Variants in CEP78 observed in about 807,000 individuals in gnomAD.
CEP78 encodes centrosomal protein of 78 kDa.
A neutral mutation model predicts 81.2 loss-of-function variants in CEP78; 76 were observed. That is an observed-to-expected ratio of 0.94 (90% CI 0.78 to 1.13). The LOEUF is 1.13. Among genes scored for constraint, CEP78 ranks in the 50% most tolerant of loss-of-function variants. The pLI is 0.00. For missense variants in CEP78, 918 were observed against 846.8 expected, an observed-to-expected ratio of 1.08 and a Z score of -1.04; for synonymous variants, 293 against 301.4, an observed-to-expected ratio of 0.97 and a Z score of 0.29.
At position 78,271,554 on chromosome 9, in the gene CEP78, T is replaced by G. The variant is rs1378542126; in HGVS notation, c.*703T>G. The G allele has an allele frequency of 3.3e-5, 5 of 152,200 alleles. No individual in the cohort carries two copies. The highest frequency in any genetic ancestry group is 1.2e-4 in the African/African-American group (5 of 41,454). The allele number at this position is 152,200 out of a possible 1,614,324, so 9.4% of individuals were successfully genotyped here. A position where few individuals can be genotyped will look rare whatever the true frequency, so the allele number is the denominator to read the frequency against. ...TCAGAAGATGGACTACACAGCAGAA[T>G]GGATTCATTTGAAGCTTAAATTCAT... is the stretch of plus-strand genomic sequence containing the variant. On this transcript the variant is annotated 3_prime_UTR_variant, in exon 17 of 17. Transcript: ENST00000643273.
chr9:78,268,873 A>G (rs184029022), intron 16 of CEP78, among the ~76,000 whole-genome samples: 169 of 151,818 alleles, frequency 1.1e-3, no homozygotes, highest in African/African-American at 3.6e-3. Flanking sequence ...AGCCAGGATG[A>G]TCTTGATCTC....
At chr9:78,252,182 C>T in intron 9 of CEP78, 139 bp downstream of exon 9, 2 of 696,456 alleles carry the variant, frequency 2.9e-6, no homozygotes, top group Non-Finnish European at 4.4e-6. Context: ...CTCATGAATC[C>T]TTTAAGGAAG....
chr9:78,238,178 G>A (rs1826052942), intron 1 of CEP78, among the ~76,000 whole-genome samples: 1 of 152,078 alleles, frequency 6.6e-6, no homozygotes, highest in African/African-American at 2.4e-5. Flanking sequence ...GAATGGATGG[G>A]CGTGGTGACT....
chr9:78,259,588 C>G (rs558463266), intron 11 of CEP78, among the ~76,000 whole-genome samples: 3 of 152,220 alleles, frequency 2.0e-5, no homozygotes, highest in Admixed American at 6.5e-5. Flanking sequence ...TAATTCTGTT[C>G]GTATGTTTAT....
At chr9:78,245,583 A>G (rs1310695247) in intron 5 of CEP78, among the ~76,000 whole-genome samples, 1 of 152,202 alleles carries the variant, frequency 6.6e-6, no homozygotes, top group African/African-American at 2.4e-5. Flanking sequence ...GAAAGACTTC[A>G]GTTATTTTAA....
At position 78,265,393 on chromosome 9, in the gene CEP78, G is replaced by C; in HGVS notation, c.1647G>C (p.Met549Ile). The C allele has an allele frequency of 1.9e-6, 3 of 1,605,222 alleles. No individual in the cohort carries two copies. The highest frequency in any genetic ancestry group is 2.5e-6 in the Non-Finnish European group (3 of 1,176,658). The part of the protein sequence containing the change: ...KDAGLGQLAT[M>I]AGIDQSDFQL... ...CCAGGCTTGGGCAGCTTGCCACAAT[G>C]GCTGGGATAGATCAGTCAGATTTTC... The change falls in exon 14 of 17, where the codon ATG (methionine) becomes ATC (isoleucine). Residue 549 changes from methionine to isoleucine, a missense_variant. By Grantham distance (10) the Met-to-Ile change is conservative. Coordinates refer to ENST00000643273, the MANE Select transcript of CEP78 (RefSeq NM_001330691.3).
In CEP78 at chr9:78,251,886, CTTTT is replaced by C; in HGVS notation, c.1070-20_1070-17del. On this transcript the variant is annotated intron_variant, in intron 8 of 16. Transcript: ENST00000643273. Reference sequence around the variant, plus strand: ...GACCTTTAGTGCATCTTGATTCTTTCTTTTTAACACTTCTCAAGTAGGATTGGCT... The same window carrying C: ...GACCTTTAGTGCATCTTGATTCTTTCTAACACTTCTCAAGTAGGATTGGCT... 1.3e-6 allele frequency: 2 copies of C among 1,592,714 alleles called. No homozygotes were observed. Among genetic ancestry groups the C allele is most frequent in the Non-Finnish European group, 1.7e-6 (2 of 1,164,930 alleles).
At chr9:78,263,461 A>G (rs1827368958) in intron 12 of CEP78, among the ~76,000 whole-genome samples, 1 of 152,204 alleles carries the variant, frequency 6.6e-6, no homozygotes, top group Non-Finnish European at 1.5e-5. Context: ...GGCATAAACT[A>G]GAAAGTTCTA....
At position 78,236,536 on chromosome 9, in the gene CEP78, C is replaced by G; in HGVS notation, c.186C>G (p.Leu62=). The G allele has an allele frequency of 1.2e-6, 2 of 1,604,956 alleles. No homozygotes were observed. Among genetic ancestry groups the G allele is most frequent in the Non-Finnish European group, 1.7e-6 (2 of 1,175,812 alleles). The change falls in exon 1 of 17, where the codon CTC becomes CTG. Residue 62 remains leucine, a synonymous_variant. Transcript: ENST00000643273. ...GVDWAPLLST[L]KINKDLPLVS... is the part of the protein sequence containing the mutation. ...ACTGGGCGCCTCTGCTGAGCACCCTCAAGATCAATAAAGACCTGCCCTTGG... is the reference window on the plus strand; with the variant it reads ...ACTGGGCGCCTCTGCTGAGCACCCTGAAGATCAATAAAGACCTGCCCTTGG...
At position 78,264,261 on chromosome 9, in the gene CEP78, ATTGAGAATTCTT is replaced by A; in HGVS notation, c.1573_1584del (p.Glu525_Phe528del). The stretch of plus-strand genomic sequence containing the variant: ...GGATGATGAAGGTGTTTTGGGCAGC[ATTGAGAATTCTT>A]TTCAGAAGTTTCATGCTTTCTTGGA... On this transcript the variant is annotated inframe_deletion, in exon 13 of 17. Transcript: ENST00000643273. The A allele has an allele frequency of 6.2e-7, 1 of 1,612,926 alleles. No homozygotes were observed. The highest frequency in any genetic ancestry group is 8.5e-7 in the Non-Finnish European group (1 of 1,179,374).
rs960156979 is a variant in CEP78 at position 78,275,177 on chromosome 9, T to G, written c.*4326T>G. ...ATTTACTATAAATAATTGTGTAGTG[T>G]TAAACCAATAAATTTGAAAGACTAG... On this transcript the variant is annotated 3_prime_UTR_variant, in exon 17 of 17. Transcript: ENST00000643273. The G allele has an allele frequency of 5.3e-5, 8 of 152,332 alleles. No homozygotes were observed. The highest frequency in any genetic ancestry group is 1.2e-4 in the Non-Finnish European group (8 of 68,016). The allele number at this position is 152,332 out of a possible 1,614,324, so 9.4% of individuals were successfully genotyped here. A position where few individuals can be genotyped will look rare whatever the true frequency, so the allele number is the denominator to read the frequency against.
intron 4 of CEP78, among the ~76,000 whole-genome samples, chr9:78,242,443 A>G (rs1826280752): frequency 6.6e-6 from 1 of 152,218 alleles, no homozygotes; most frequent in Non-Finnish European, 1.5e-5. Context: ...GCTCTCTCCC[A>G]TTTAATAACT....
At chr9:78,262,847 A>C in intron 11 of CEP78, 60 bp from the exon 12 acceptor site, 1 of 1,052,386 alleles carries the variant, frequency 9.5e-7, no homozygotes, top group Non-Finnish European at 1.4e-6. Context: ...AACAGCTGGA[A>C]GAGTTTTGGG....
intron 11 of CEP78, among the ~76,000 whole-genome samples, chr9:78,261,303 T>G (rs954391599): frequency 1.3e-5 from 2 of 152,216 alleles, no homozygotes; most frequent in South Asian, 4.1e-4. Flanking sequence ...GCCTGCATAC[T>G]TCAAGCCCTT....
chr9:78,249,996 A>G (rs1190545346), intron 8 of CEP78: 1 of 315,962 alleles, frequency 3.2e-6, no homozygotes, highest in East Asian at 4.9e-5. Flanking sequence ...ACTTGACTTA[A>G]TATCACTGAA....
chr9:78,252,136 T>C, intron 9 of CEP78, 93 bp downstream of exon 9: 1 of 1,147,208 alleles, frequency 8.7e-7, no homozygotes. Flanking sequence ...TCTCTGCTTA[T>C]GTCTGTAGGG....
intron 11 of CEP78, among the ~76,000 whole-genome samples, chr9:78,255,364 A>G (rs1418226906): frequency 5.9e-5 from 9 of 152,214 alleles, no homozygotes; most frequent in African/African-American, 2.2e-4. Context: ...AAAAATTAAT[A>G]CAATTTTCTT....
Position 78,240,288 on chromosome 9 carries a change from A to G in CEP78, c.427-4A>G, listed in dbSNP as rs774324709. ...ACATTTTTAACTTTTCCCCCTCATT[A>G]AAGGGATTGAATAAATCGGCTTCTT... On this transcript the variant is annotated splice_polypyrimidine_tract_variant and splice_region_variant and intron_variant, in intron 2 of 16. Coordinates refer to ENST00000643273, the MANE Select transcript of CEP78 (RefSeq NM_001330691.3). 1.4e-5 allele frequency: 22 copies of G among 1,605,028 alleles called. No individual in the cohort carries two copies. The highest frequency in any genetic ancestry group is 1.9e-5 in the Non-Finnish European group (22 of 1,174,956).
rs1039051699 is a variant in CEP78, at chr9:78,274,656, A to G, written c.*3805A>G. ...TTCCTATGAAGGTAAAAAACTTACAAAATTCAAAGATCATACAGATCATGT... is the reference window on the plus strand; with the variant it reads ...TTCCTATGAAGGTAAAAAACTTACAGAATTCAAAGATCATACAGATCATGT... On this transcript the variant is annotated 3_prime_UTR_variant, in exon 17 of 17. Transcript: ENST00000643273. 10 of 152,204 alleles carry G rather than the reference A, an allele frequency of 6.6e-5. No individual in the cohort carries two copies. The highest frequency in any genetic ancestry group is 1.2e-4 in the Non-Finnish European group (8 of 68,028). The allele number at this position is 152,204 out of a possible 1,614,324, so 9.4% of individuals were successfully genotyped here.
Sources: gnomAD v4.1 joint callset for allele counts (sites outside exome capture counted in the v4.1 genomes callset) on GRCh38, gnomAD v4.1.1 for gene constraint, MANE v1.5 for transcripts, NCBI Gene and HGNC (gene_info 2026-07-23, HGNC 2026-07-21) for gene names.